Variants in RGS7 observed in about 807,000 individuals in gnomAD.
The protein encoded by RGS7 is regulator of G protein signaling 7, also known as regulator of G-protein signaling 7.
A neutral mutation model predicts 81.1 loss-of-function variants in RGS7; 27 were observed. The observed-to-expected ratio is 0.33, with a 90% CI of 0.25 to 0.46. The LOEUF (loss-of-function observed/expected upper bound fraction) is 0.46. Ranked by LOEUF, RGS7 falls within the 20% of genes least tolerant of loss-of-function variation. The pLI is 1.00. For synonymous variants in RGS7, 208 were observed against 207.7 expected, an observed-to-expected ratio of 1.00 and a Z score of -0.01; for missense variants, 396 against 607.4, an observed-to-expected ratio of 0.65 and a Z score of 3.66.
intron 2 of RGS7, among the ~76,000 whole-genome samples, chr1:241,202,663 G>A (rs1053320460): frequency 3.9e-5 from 6 of 152,186 alleles, no homozygotes; most frequent in East Asian, 1.9e-4. Flanking sequence ...TTCCTTCTGG[G>A]TATGAGGCAG....
chr1:241,130,153 T>G (rs7548577), intron 2 of RGS7, among the ~76,000 whole-genome samples: 17,830 of 152,020 alleles, frequency 0.12, 3,442 homozygotes, highest in African/African-American at 0.4. Flanking sequence ...GGCATGAAAA[T>G]TGTTTGGCTA....
At chr1:240,866,435 C>T (rs567101641) in intron 9 of RGS7, among the ~76,000 whole-genome samples, 34 of 151,208 alleles carry the variant, frequency 2.2e-4, no homozygotes, top group African/African-American at 7.8e-4. Flanking sequence ...GGCCTGAACC[C>T]GGGAGGCGGA....
chr1:241,042,495 TTAAA>T lies in RGS7; in HGVS notation c.175+56167_175+56170del, dbSNP rs557895290. Reference sequence around the variant, plus strand: ...TTTACTAGTAGTCACTTTTATAACTTTAAATAGCATATTTTAACAAAGTTCTTAA... The same window carrying T: ...TTTACTAGTAGTCACTTTTATAACTTTAGCATATTTTAACAAAGTTCTTAA... On this transcript the variant is annotated intron_variant, in intron 3 of 18. Transcript: ENST00000440928. Among the ~76,000 whole-genome samples the T allele has an allele frequency of 4.3e-3, 651 of 152,328 alleles. 2 individuals carry two copies. The highest frequency in any genetic ancestry group is 7.8e-3 in the Non-Finnish European group (529 of 68,032).
chr1:241,283,500 T>A (rs2078633533), intron 2 of RGS7, among the ~76,000 whole-genome samples: 1 of 152,156 alleles, frequency 6.6e-6, no homozygotes, highest in East Asian at 1.9e-4. Context: ...TGATGAAAAA[T>A]CTAATTTTTC....
intron 2 of RGS7, among the ~76,000 whole-genome samples, chr1:241,167,781 G>A (rs993147125): frequency 3.3e-5 from 5 of 151,550 alleles, no homozygotes; most frequent in African/African-American, 9.7e-5. Flanking sequence ...GCCTCCCAAA[G>A]TACTGGGATT....
At chr1:241,105,816 A>G (rs373451364) in intron 2 of RGS7, among the ~76,000 whole-genome samples, 52 of 152,348 alleles carry the variant, frequency 3.4e-4, no homozygotes, top group African/African-American at 1.2e-3. Flanking sequence ...TCAAAATTTC[A>G]GAAGAAGTTT....
At chr1:241,193,957 G>A (rs1223201075) in intron 2 of RGS7, among the ~76,000 whole-genome samples, 1 of 152,134 alleles carries the variant, frequency 6.6e-6, no homozygotes, top group Non-Finnish European at 1.5e-5. Context: ...AGTTGATATG[G>A]AAGACAAACA....
At chr1:241,249,851 A>G (rs1488794157) in intron 2 of RGS7, among the ~76,000 whole-genome samples, 1 of 152,178 alleles carries the variant, frequency 6.6e-6, no homozygotes, top group Non-Finnish European at 1.5e-5. Context: ...AGATAGAAAA[A>G]TGGTGGCATA....
At chr1:240,824,443 C>T (rs1390000813) in intron 10 of RGS7, among the ~76,000 whole-genome samples, 1 of 152,192 alleles carries the variant, frequency 6.6e-6, no homozygotes, top group East Asian at 1.9e-4. Context: ...CAGGAGGAGG[C>T]GCTACAGAGA....
chr1:240,787,111 A>G (rs1685205084), intron 18 of RGS7, among the ~76,000 whole-genome samples: 1 of 152,160 alleles, frequency 6.6e-6, no homozygotes, highest in South Asian at 2.1e-4. Context: ...TTATCATATT[A>G]ACAAAACACA....
intron 3 of RGS7, among the ~76,000 whole-genome samples, chr1:241,018,357 A>ATAT (rs1185014964): frequency 1.8e-4 from 28 of 152,146 alleles, no homozygotes; most frequent in African/African-American, 6.5e-4. Flanking sequence ...AAAGCCAGGT[A>ATAT]TATCATATCA....
intron 15 of RGS7, among the ~76,000 whole-genome samples, chr1:240,804,128 G>C (rs937793929): frequency 2.0e-5 from 3 of 152,004 alleles, no homozygotes; most frequent in Non-Finnish European, 2.9e-5. Context: ...CTTACAAATG[G>C]GATAAATATA....
chr1:241,228,544 T>C (rs561770103), intron 2 of RGS7, among the ~76,000 whole-genome samples: 4 of 152,264 alleles, frequency 2.6e-5, no homozygotes, highest in East Asian at 3.9e-4. Context: ...AACTAGATGA[T>C]AGAATCATAA....
intron 3 of RGS7, among the ~76,000 whole-genome samples, chr1:241,050,151 G>A (rs909393290): frequency 1.3e-5 from 2 of 152,064 alleles, no homozygotes; most frequent in East Asian, 1.9e-4. Flanking sequence ...CCTAAAGAAC[G>A]TGATCCCATT....
chr1:241,219,746 A>C (rs151283830), intron 2 of RGS7, among the ~76,000 whole-genome samples: 2 of 151,888 alleles, frequency 1.3e-5, no homozygotes, highest in East Asian at 3.9e-4. Flanking sequence ...AAGGGGAAAG[A>C]AAGCATTCCT....
chr1:241,127,797 T>C (rs139240318), intron 2 of RGS7, among the ~76,000 whole-genome samples: 1 of 152,352 alleles, frequency 6.6e-6, no homozygotes, highest in East Asian at 1.9e-4. Context: ...TATAGATGTA[T>C]GTATTTGATG....
chr1:240,823,297 A>C, intron 10 of RGS7: 2 of 595,694 alleles, frequency 3.4e-6, no homozygotes, highest in Non-Finnish European at 3.1e-6. Context: ...ACCATAATAA[A>C]TGCCAATGGA....
intron 6 of RGS7, among the ~76,000 whole-genome samples, chr1:240,893,889 A>C (rs1362517587): frequency 6.6e-6 from 1 of 152,240 alleles, no homozygotes; most frequent in Non-Finnish European, 1.5e-5. Flanking sequence ...ATTGTAAAAC[A>C]ATCAGTGCTT....
intron 7 of RGS7, among the ~76,000 whole-genome samples, chr1:240,869,567 T>G (rs10926372): frequency 6.6e-6 from 1 of 152,170 alleles, no homozygotes; most frequent in East Asian, 1.9e-4. Context: ...ATATGCAATG[T>G]GAATGAAGAG....
Sources: gnomAD v4.1 joint callset for allele counts (sites outside exome capture counted in the v4.1 genomes callset) on GRCh38, gnomAD v4.1.1 for gene constraint, MANE v1.5 for transcripts, NCBI Gene and HGNC (gene_info 2026-07-23, HGNC 2026-07-21) for gene names.